Variants in CPEB3 observed in about 807,000 individuals in gnomAD.
CPEB3 encodes cytoplasmic polyadenylation element-binding protein 3.
Under a neutral mutation model 67.2 loss-of-function variants are expected in CPEB3, and 20 were observed. The ratio of observed to expected loss-of-function variants is 0.30; its 90% CI spans 0.21 to 0.43. The LOEUF (loss-of-function observed/expected upper bound fraction) is 0.43, where lower values mean the gene tolerates loss of function less well. CPEB3 is among the 20% of genes least tolerant of loss of function. The pLI is 1.00. For synonymous variants in CPEB3, 376 were observed against 393.1 expected (o/e 0.96, Z 0.51); for missense variants, 746 against 968.6 (o/e 0.77, Z 3.05).
chr10:92,092,650 C>G (rs1221646222), intron 7 of CPEB3, among the ~76,000 whole-genome samples: 1 of 151,970 alleles, frequency 6.6e-6, no homozygotes. Flanking sequence ...TGTAGTGGCT[C>G]ACGCCTGTAG....
intron 9 of CPEB3, among the ~76,000 whole-genome samples, chr10:92,078,534 G>A (rs144063855): frequency 4.0e-4 from 61 of 152,126 alleles, no homozygotes; most frequent in Non-Finnish European, 6.8e-4. Flanking sequence ...TAAATGTATT[G>A]GAATCTGTTC....
chr10:92,098,690 T>C (rs1300428560), intron 7 of CPEB3, among the ~76,000 whole-genome samples: 1 of 152,158 alleles, frequency 6.6e-6, no homozygotes, highest in Non-Finnish European at 1.5e-5. Context: ...ATTAGATAGC[T>C]GTTCAAAGAA....
intron 2 of CPEB3, among the ~76,000 whole-genome samples, chr10:92,220,394 T>C (rs1850635821): frequency 6.6e-6 from 1 of 152,166 alleles, no homozygotes; most frequent in Non-Finnish European, 1.5e-5. Context: ...AGATTGTGTT[T>C]CTGCAGCATA....
chr10:92,171,374 C>T (rs1440534690), intron 4 of CPEB3, among the ~76,000 whole-genome samples: 1 of 152,182 alleles, frequency 6.6e-6, no homozygotes, highest in African/African-American at 2.4e-5. Context: ...ATTCGTTCAT[C>T]CTCAAATAAA....
At chr10:92,131,343 G>A (rs1258319922) in intron 6 of CPEB3, among the ~76,000 whole-genome samples, 1 of 152,148 alleles carries the variant, frequency 6.6e-6, no homozygotes, top group Non-Finnish European at 1.5e-5. Context: ...GGAGGCTGTA[G>A]AGGTGCTAAA....
chr10:92,269,279 G>T (rs1418382938), intron 1 of CPEB3, among the ~76,000 whole-genome samples: 1 of 151,946 alleles, frequency 6.6e-6, no homozygotes, highest in Non-Finnish European at 1.5e-5. Context: ...CTACTATCAT[G>T]GCAAAGTGTT....
chr10:92,205,730 C>A (rs567088320), intron 2 of CPEB3, among the ~76,000 whole-genome samples: 1 of 152,158 alleles, frequency 6.6e-6, no homozygotes, highest in South Asian at 2.1e-4. Flanking sequence ...CCCACCTCAG[C>A]CTCCCAAAGT....
intron 3 of CPEB3, among the ~76,000 whole-genome samples, chr10:92,190,195 T>C (rs1848898261): frequency 6.6e-6 from 1 of 151,806 alleles, no homozygotes; most frequent in Admixed American, 6.6e-5. Context: ...GGAGAATCAC[T>C]TGAATCTGGG....
chr10:92,260,116 G>A (rs1227559024), intron 1 of CPEB3, among the ~76,000 whole-genome samples: 1 of 152,126 alleles, frequency 6.6e-6, no homozygotes, highest in African/African-American at 2.4e-5. Context: ...GGCAAATTGT[G>A]GTTCAGCAAC....
At chr10:92,218,356 G>A (rs1208921220) in intron 2 of CPEB3, among the ~76,000 whole-genome samples, 1 of 152,066 alleles carries the variant, frequency 6.6e-6, no homozygotes, top group Non-Finnish European at 1.5e-5. Context: ...GCAGTGAGCT[G>A]AGATCGCGCC....
intron 1 of CPEB3, among the ~76,000 whole-genome samples, chr10:92,241,246 A>C (rs1414188759): frequency 7.5e-6 from 1 of 134,104 alleles, no homozygotes; most frequent in Non-Finnish European, 1.6e-5. Flanking sequence ...TTCTCTGCAG[A>C]GTGGAGAAAT....
intron 8 of CPEB3, among the ~76,000 whole-genome samples, chr10:92,091,224 T>TA (rs912027506): frequency 6.7e-6 from 1 of 149,522 alleles, no homozygotes; most frequent in Non-Finnish European, 1.5e-5. Context: ...TGTCTTACTT[T>TA]AAAAAAATAA....
At chr10:92,288,911 G>C (rs1842660045) in intron 1 of CPEB3, among the ~76,000 whole-genome samples, 1 of 152,202 alleles carries the variant, frequency 6.6e-6, no homozygotes, top group Non-Finnish European at 1.5e-5. Context: ...AATAAGGTTA[G>C]ACTGACACAG....
At chr10:92,256,667 G>A (rs565724685) in intron 1 of CPEB3, among the ~76,000 whole-genome samples, 39 of 152,156 alleles carry the variant, frequency 2.6e-4, no homozygotes, top group Non-Finnish European at 5.0e-4. Flanking sequence ...TTACAGGCAT[G>A]AGCCACTGTG....
At chr10:92,216,264 C>A in intron 2 of CPEB3, 1 of 1,355,582 alleles carries the variant, frequency 7.4e-7, no homozygotes, top group Non-Finnish European at 1.0e-6. Context: ...GGTGAAACCC[C>A]ATCTCTACTA....
chr10:92,077,810 A>C (rs1341235370), intron 9 of CPEB3, among the ~76,000 whole-genome samples: 1 of 122,908 alleles, frequency 8.1e-6, no homozygotes, highest in Non-Finnish European at 1.7e-5. Context: ...AGAAAATGGG[A>C]GGAGAGGGGA....
chr10:92,149,995 A>G (rs541905348), intron 4 of CPEB3, among the ~76,000 whole-genome samples: 16 of 152,348 alleles, frequency 1.1e-4, no homozygotes, highest in African/African-American at 2.9e-4. Context: ...TATATTCTCA[A>G]CACTGGAATG....
intron 1 of CPEB3, among the ~76,000 whole-genome samples, chr10:92,244,784 C>A (rs893311468): frequency 3.9e-5 from 6 of 152,046 alleles, no homozygotes; most frequent in Non-Finnish European, 8.8e-5. Flanking sequence ...CCTATTTTAA[C>A]CTCATGATTC....
At chr10:92,164,951 A>C (rs1201862148) in intron 4 of CPEB3, among the ~76,000 whole-genome samples, 1 of 152,204 alleles carries the variant, frequency 6.6e-6, no homozygotes, top group Non-Finnish European at 1.5e-5. Context: ...TTAGATTATG[A>C]ATTAAAATAC....
Sources: allele counts gnomAD v4.1 joint callset (sites outside exome capture counted in the v4.1 genomes callset), GRCh38; gene constraint gnomAD v4.1.1; transcripts MANE v1.5; gene names NCBI Gene and HGNC (gene_info 2026-07-23, HGNC 2026-07-21).